Variants in PCDHGB2 observed in about 807,000 individuals in gnomAD.
The protein encoded by PCDHGB2 is protocadherin gamma subfamily B, 2.
Under a neutral mutation model 59.3 loss-of-function variants are expected in PCDHGB2, and 55 were observed. That is an observed-to-expected ratio of 0.93 (90% CI 0.75 to 1.16). PCDHGB2 has a LOEUF of 1.16. Among genes scored for constraint, PCDHGB2 ranks in the 50% most tolerant of loss-of-function variants. PCDHGB2 has a pLI of 0.00. For missense variants in PCDHGB2, 1,228 were observed against 1,198.5 expected, an observed-to-expected ratio of 1.02 and a Z score of -0.36; for synonymous variants, 516 against 512.0, an observed-to-expected ratio of 1.01 and a Z score of -0.11.
intron 1 of PCDHGB2, among the ~76,000 whole-genome samples, chr5:141,447,285 A>G (rs143024915): frequency 0.046 from 7,013 of 152,060 alleles, 241 homozygotes; most frequent in African/African-American, 0.093. Context: ...GACTACAGGC[A>G]CATGCCACCA....
At chr5:141,394,326 A>G in intron 1 of PCDHGB2, 1 of 1,613,902 alleles carries the variant, frequency 6.2e-7, no homozygotes, top group Non-Finnish European at 8.5e-7. Flanking sequence ...GTCCTCGTAT[A>G]TCTCCATCAA....
rs1453835891 is a variant in PCDHGB2 at position 141,477,494 on chromosome 5, T to G, written c.2422-17313T>G. On this transcript the variant is annotated intron_variant, in intron 1 of 3. Coordinates refer to ENST00000522605, the MANE Select transcript of PCDHGB2 (RefSeq NM_018923.3). The surrounding 1 kb of genome is among the most constrained non-coding windows in gnomAD (Gnocchi z 4.9). ...TGACAACCCTCCACAATCTTCTCAA[T>G]CTTCCTACGACGTTTACATTGAAGA... 1 of 1,614,088 alleles carries G rather than the reference T, an allele frequency of 6.2e-7. No individual in the cohort carries two copies.
chr5:141,364,281 A>T, intron 1 of PCDHGB2: 2 of 1,516,544 alleles, frequency 1.3e-6, no homozygotes, highest in South Asian at 2.7e-5. Context: ...ATAAATAAGG[A>T]AACAGCAGGC....
chr5:141,444,152 A>ATTTTTTTTT (rs747671382), intron 1 of PCDHGB2, among the ~76,000 whole-genome samples: 2 of 33,898 alleles, frequency 5.9e-5, no homozygotes, highest in Non-Finnish European at 5.2e-5. Context: ...TGTGTACTGG[A>ATTTTTTTTT]TTTTTTTTTT....
At chr5:141,387,156 A>C (rs1173690148) in intron 1 of PCDHGB2, among the ~76,000 whole-genome samples, 1 of 152,232 alleles carries the variant, frequency 6.6e-6, no homozygotes, top group Non-Finnish European at 1.5e-5. Flanking sequence ...GTGTATTTGA[A>C]GATAAGTATA....
rs1269856662 is a variant in PCDHGB2, at chr5:141,375,833, C to A, written c.2421+13277C>A. On this transcript the variant is annotated intron_variant, in intron 1 of 3. Coordinates refer to ENST00000522605, the MANE Select transcript of PCDHGB2 (RefSeq NM_018923.3). The stretch of plus-strand genomic sequence containing the variant: ...GGAGCTGGCGCCCCGCTCCGCAGAG[C>A]CCGGCTACCTGGTGACCAAGGTGGT... 6.2e-7 allele frequency: 1 copy of A among 1,614,034 alleles called. No homozygotes were observed. Among genetic ancestry groups the A allele is most frequent in the Non-Finnish European group, 8.5e-7 (1 of 1,180,048 alleles).
Position 141,389,835 on chromosome 5 carries a change from C to T in PCDHGB2, c.2421+27279C>T, listed in dbSNP as rs1238547778. 4.3e-6 allele frequency: 7 copies of T among 1,614,002 alleles called. No homozygotes were observed. The South Asian group carries it at 7.7e-5, about 18-fold the overall frequency. On this transcript the variant is annotated intron_variant, in intron 1 of 3. Transcript: ENST00000522605. ...CGCCGTGCGTGACGGTGGACAGCCA[C>T]CACTCTCGGCCACTGCCACGTTGCA...
chr5:141,389,142 G>T (rs72790030), intron 1 of PCDHGB2: 5 of 1,613,968 alleles, frequency 3.1e-6, no homozygotes, highest in Non-Finnish European at 4.2e-6. Flanking sequence ...CAATATAACC[G>T]TTACGGCAAC....
At chr5:141,408,308 T>C in intron 1 of PCDHGB2, 1 of 1,613,744 alleles carries the variant, frequency 6.2e-7, no homozygotes, top group South Asian at 1.1e-5. Flanking sequence ...GATCCGCTAC[T>C]CGATTCCGGA....
intron 1 of PCDHGB2, chr5:141,400,592 G>A: frequency 3.7e-6 from 6 of 1,603,194 alleles, no homozygotes; most frequent in Non-Finnish European, 5.1e-6. Flanking sequence ...TGAAACTATC[G>A]TACATTTTCA....
intron 1 of PCDHGB2, among the ~76,000 whole-genome samples, chr5:141,465,422 G>A (rs74711061): frequency 0.01 from 1,576 of 152,260 alleles, 21 homozygotes; most frequent in African/African-American, 0.037. Context: ...AGCACTGAAA[G>A]GTGGGCACTT....
chr5:141,371,768 C>G, intron 1 of PCDHGB2: 1 of 1,614,032 alleles, frequency 6.2e-7, no homozygotes, highest in East Asian at 2.2e-5. Flanking sequence ...CCTCCTACAC[C>G]GTGCATGTAG....
chr5:141,419,993 G>T (rs754254084), intron 1 of PCDHGB2: 5 of 1,614,056 alleles, frequency 3.1e-6, no homozygotes, highest in Middle Eastern at 1.6e-4. Context: ...TCTAGCTATT[G>T]CTCTACGCCT....
chr5:141,477,506 G>T lies in PCDHGB2; in HGVS notation c.2422-17301G>T, dbSNP rs766083208. 6.2e-7 allele frequency: 1 copy of T among 1,614,028 alleles called. No homozygotes were observed. The highest frequency in any genetic ancestry group is 8.5e-7 in the Non-Finnish European group (1 of 1,180,016). On this transcript the variant is annotated intron_variant, in intron 1 of 3. Coordinates refer to ENST00000522605, the MANE Select transcript of PCDHGB2 (RefSeq NM_018923.3). This position sits in a 1 kb window ranked among gnomAD's most constrained non-coding sequence, Gnocchi z 4.9. ...ACAATCTTCTCAATCTTCCTACGAC[G>T]TTTACATTGAAGAAAACAACCTCCC...
Position 141,510,938 on chromosome 5 carries a change from T to A in PCDHGB2, c.2570-9T>A. 1 of 1,614,026 alleles carries A rather than the reference T, an allele frequency of 6.2e-7. No homozygotes were observed. Among genetic ancestry groups the A allele is most frequent in the Non-Finnish European group, 8.5e-7 (1 of 1,179,984 alleles). ...TTAGCTCCCACCTGATCTTCCTCTG[T>A]CTCTGCAGAAGCTGCTGATGGGAGC... On this transcript the variant is annotated splice_polypyrimidine_tract_variant and intron_variant, in intron 3 of 3. Coordinates refer to ENST00000522605, the MANE Select transcript of PCDHGB2 (RefSeq NM_018923.3).
At chr5:141,371,225 C>A in intron 1 of PCDHGB2, 1 of 1,614,046 alleles carries the variant, frequency 6.2e-7, no homozygotes, top group Non-Finnish European at 8.5e-7. Context: ...ATGCCGAAAT[C>A]ATCTATGCCT....
chr5:141,399,597 C>T, intron 1 of PCDHGB2: 1 of 1,613,958 alleles, frequency 6.2e-7, no homozygotes, highest in Non-Finnish European at 8.5e-7. Flanking sequence ...TCATGGCCAG[C>T]GACCTAGAGC....
At chr5:141,510,349 C>T (rs1461596705) in intron 3 of PCDHGB2, among the ~76,000 whole-genome samples, 1 of 148,468 alleles carries the variant, frequency 6.7e-6, no homozygotes, top group Non-Finnish European at 1.5e-5. Context: ...CACACACTTA[C>T]TAACGGAACT....
chr5:141,376,144 G>C, intron 1 of PCDHGB2: 1 of 1,613,918 alleles, frequency 6.2e-7, no homozygotes, highest in Non-Finnish European at 8.5e-7. Context: ...CCAACGATTC[G>C]GACCTCACTC....
Sources: allele counts gnomAD v4.1 joint callset (sites outside exome capture counted in the v4.1 genomes callset), GRCh38; gene constraint gnomAD v4.1.1; non-coding constraint Gnocchi (gnomAD v3.1); transcripts MANE v1.5; gene names NCBI Gene and HGNC (gene_info 2026-07-23, HGNC 2026-07-21).